The following ASCL5 variants were observed in gnomAD, a reference collection of about 807,000 sequenced individuals.
ASCL5 encodes the protein achaete-scute family bHLH transcription factor 5.
For missense variants in ASCL5, 262 were observed against 268.9 expected (o/e 0.97, Z 0.18); for synonymous variants, 124 against 131.5 (o/e 0.94, Z 0.39).
chr1:201,123,329 C>G (rs1558095829), intron 1 of ASCL5, among the ~76,000 whole-genome samples: 1 of 152,208 alleles, frequency 6.6e-6, no homozygotes, highest in Non-Finnish European at 1.5e-5. Context: ...TCAAGGAATC[C>G]TTCTGTGGGC....
At chr1:201,126,566 T>G (rs1463560312) in intron 1 of ASCL5, among the ~76,000 whole-genome samples, 1 of 152,236 alleles carries the variant, frequency 6.6e-6, no homozygotes, top group Non-Finnish European at 1.5e-5. Context: ...TCTAAGCACT[T>G]TACCCATTTG....
intron 1 of ASCL5, among the ~76,000 whole-genome samples, chr1:201,119,476 G>C (rs968505577): frequency 6.6e-6 from 1 of 152,078 alleles, no homozygotes; most frequent in East Asian, 1.9e-4. Context: ...CGACCCCACG[G>C]GTGTCGAAGT....
intron 1 of ASCL5, among the ~76,000 whole-genome samples, chr1:201,118,141 G>A (rs1663380892): frequency 6.6e-6 from 1 of 152,114 alleles, no homozygotes; most frequent in African/African-American, 2.4e-5. Context: ...AAACTTCACA[G>A]CAGGACTATG....
At chr1:201,116,628 A>T (rs114986645) in intron 1 of ASCL5, among the ~76,000 whole-genome samples, 13 of 152,330 alleles carry the variant, frequency 8.5e-5, no homozygotes, top group African/African-American at 3.1e-4. Context: ...GACTGATTAC[A>T]CGTAGCCTTT....
chr1:201,122,838 C>T (rs545272868), intron 1 of ASCL5, among the ~76,000 whole-genome samples: 1 of 152,308 alleles, frequency 6.6e-6, no homozygotes, highest in South Asian at 2.1e-4. Flanking sequence ...TGGCGCTGCT[C>T]TTACTGGCTA....
In ASCL5 at chr1:201,115,319, G is replaced by A; in HGVS notation, c.54C>T (p.Pro18=). The A allele has an allele frequency of 1.6e-6, 2 of 1,230,792 alleles. No individual in the cohort carries two copies. Among genetic ancestry groups the A allele is most frequent in the Non-Finnish European group, 2.0e-6 (2 of 987,188 alleles). 76.2% of individuals were successfully genotyped at this position (1,230,792 alleles called of 1,614,324 possible). A position where few individuals can be genotyped will look rare whatever the true frequency, so the allele number is the denominator to read the frequency against. Residue 18 remains proline (P), a synonymous_variant, in exon 2 of 2, where the codon CCC becomes CCT. Coordinates refer to ENST00000449188, the MANE Select transcript of ASCL5 (RefSeq NM_001270601.2). ...ALVDRRPLGP[P]SCMQLGVMPP... ...GCATGACGCCCAGCTGCATGCAGCT[G>A]GGGGGCCCCAGAGGCCTCCGGTCCA...
chr1:201,124,646 C>T (rs1033113476), intron 1 of ASCL5, among the ~76,000 whole-genome samples: 2 of 152,200 alleles, frequency 1.3e-5, no homozygotes, highest in Non-Finnish European at 2.9e-5. Context: ...ATTAATAGAT[C>T]CAGAGAATTC....
At chr1:201,121,706 C>G (rs1663466809) in intron 1 of ASCL5, among the ~76,000 whole-genome samples, 1 of 151,976 alleles carries the variant, frequency 6.6e-6, no homozygotes, top group African/African-American at 2.4e-5. Flanking sequence ...TGATGCATGC[C>G]TGTAGTCCCG....
At chr1:201,115,978 T>A (rs1663339537) in intron 1 of ASCL5, 101 bp from the exon 2 acceptor site, 1 of 152,226 alleles carries the variant, frequency 6.6e-6, no homozygotes. Flanking sequence ...GTAAGCCTCA[T>A]GAGGAGAGGC....
At chr1:201,124,400 C>T (rs148914319) in intron 1 of ASCL5, among the ~76,000 whole-genome samples, 1 of 152,354 alleles carries the variant, frequency 6.6e-6, no homozygotes, top group Non-Finnish European at 1.5e-5. Context: ...TGTCTCCTCC[C>T]TGGCCCTACT....
chr1:201,118,487 G>GA (rs1009162187), intron 1 of ASCL5, among the ~76,000 whole-genome samples: 170 of 133,244 alleles, frequency 1.3e-3, no homozygotes, highest in South Asian at 2.2e-3. Flanking sequence ...CCTGTCTCAA[G>GA]AAAAAAAAAA....
chr1:201,124,269 C>T (rs1437668594), intron 1 of ASCL5, among the ~76,000 whole-genome samples: 1 of 152,202 alleles, frequency 6.6e-6, no homozygotes, highest in Non-Finnish European at 1.5e-5. Context: ...AGCCTCAGAG[C>T]TGGGTTCACA....
chr1:201,123,905 T>C (rs149865414), intron 1 of ASCL5, among the ~76,000 whole-genome samples: 6 of 152,212 alleles, frequency 3.9e-5, no homozygotes, highest in South Asian at 2.1e-4. Flanking sequence ...AACAACCTCA[T>C]TGGGGGTGGG....
intron 1 of ASCL5, among the ~76,000 whole-genome samples, chr1:201,123,541 G>A (rs538596020): frequency 2.7e-4 from 41 of 152,352 alleles, no homozygotes; most frequent in African/African-American, 9.9e-4. Flanking sequence ...ACAAGGCAAA[G>A]AGTGGTTAAG....
intron 1 of ASCL5, among the ~76,000 whole-genome samples, chr1:201,125,253 G>C (rs1242563877): frequency 6.6e-6 from 1 of 152,196 alleles, no homozygotes; most frequent in Non-Finnish European, 1.5e-5. Context: ...GAAGTGCTCA[G>C]TAATCAACAG....
chr1:201,123,266 G>A (rs958459513), intron 1 of ASCL5, among the ~76,000 whole-genome samples: 16 of 152,150 alleles, frequency 1.1e-4, no homozygotes, highest in Non-Finnish European at 1.6e-4. Flanking sequence ...TTATTCAACC[G>A]TGTGTTCTAT....
chr1:201,117,018 C>A (rs1350468499), intron 1 of ASCL5, among the ~76,000 whole-genome samples: 2 of 152,198 alleles, frequency 1.3e-5, no homozygotes, highest in African/African-American at 4.8e-5. Context: ...TCTGCACCCT[C>A]TCACCTCTGT....
chr1:201,125,836 C>G (rs1436158432), intron 1 of ASCL5, among the ~76,000 whole-genome samples: 1 of 152,194 alleles, frequency 6.6e-6, no homozygotes, highest in Non-Finnish European at 1.5e-5. Context: ...TGTCACCAGT[C>G]CATGACTGTT....
Position 201,120,722 on chromosome 1 carries a change from G to A in ASCL5, c.-505-4845C>T, listed in dbSNP as rs980545690. Among the ~76,000 whole-genome samples the A allele has an allele frequency of 2.6e-5, 4 of 152,252 alleles. No homozygotes were observed. In the South Asian group the frequency reaches 8.3e-4, roughly 31 times the overall value. On this transcript the variant is annotated intron_variant, in intron 1 of 1. Transcript: ENST00000449188. Reference sequence around the variant, plus strand: ...ATTGTCTTTAGCAGGACTGGAACCAGAGTTGGGGGTCTGAGGTCAGGAATT... The same window carrying A: ...ATTGTCTTTAGCAGGACTGGAACCAAAGTTGGGGGTCTGAGGTCAGGAATT...
Sources: allele counts gnomAD v4.1 joint callset (sites outside exome capture counted in the v4.1 genomes callset), GRCh38; gene constraint gnomAD v4.1.1; transcripts MANE v1.5; gene names NCBI Gene and HGNC (gene_info 2026-07-23, HGNC 2026-07-21).